Variants in LRP8 observed in about 807,000 individuals in gnomAD.
LRP8 encodes low-density lipoprotein receptor-related protein 8.
In LRP8, 46 loss-of-function variants were observed where a neutral mutation model predicts 111.6. That is an observed-to-expected ratio of 0.41 (90% confidence interval 0.33 to 0.53). The LOEUF is 0.53. Ranked by LOEUF, LRP8 falls within the 20% of genes least tolerant of loss-of-function variation. The pLI is 0.20. For missense variants in LRP8, 959 were observed against 1,297.4 expected, an observed-to-expected ratio of 0.74 and a Z score of 4.01; for synonymous variants, 464 against 511.2, an observed-to-expected ratio of 0.91 and a Z score of 1.24.
intron 2 of LRP8, chr1:53,292,028 C>T (rs1461430855): frequency 6.6e-6 from 1 of 152,202 alleles, no homozygotes; most frequent in Non-Finnish European, 1.5e-5. Flanking sequence ...TCCATACTTA[C>T]AGTTCTGGGG....
intron 6 of LRP8, chr1:53,272,707 GC>G: frequency 2.3e-6 from 3 of 1,280,254 alleles, no homozygotes; most frequent in Non-Finnish European, 3.1e-6. Flanking sequence ...GCCAGGCCCA[GC>G]CCTGGGAAGC....
chr1:53,317,730 A>G lies in LRP8; in HGVS notation c.244+9143T>C, dbSNP rs1453866486. ...CCGCACACCTCCGGAATATGGGCTC[A>G]TTTTCCCGCTTTCGGAAAGTCTCAT... On this transcript the variant is annotated intron_variant, in intron 2 of 18. Coordinates refer to ENST00000306052, the MANE Select transcript of LRP8 (RefSeq NM_004631.5). This position sits in a 1 kb window ranked among gnomAD's most constrained non-coding sequence, Gnocchi z 4.9. Among the ~76,000 whole-genome samples, 1 of 152,124 alleles carries G rather than the reference A, an allele frequency of 6.6e-6. No individual in the cohort carries two copies. The highest frequency in any genetic ancestry group is 2.4e-5 in the African/African-American group (1 of 41,422).
At position 53,293,352 on chromosome 1, in the gene LRP8, G is replaced by A. The variant is rs913723253; in HGVS notation, c.245-3663C>T. Among the ~76,000 whole-genome samples the A allele has an allele frequency of 9.9e-5, 15 of 152,152 alleles. No homozygotes were observed. The highest frequency in any genetic ancestry group is 3.6e-4 in the African/African-American group (15 of 41,422). ...GGCAACAGATTCGGTGGTGTTTTTGGGAACAGATTTGTTCACTGGCTGGAC... is the reference window on the plus strand; with the variant it reads ...GGCAACAGATTCGGTGGTGTTTTTGAGAACAGATTTGTTCACTGGCTGGAC... On this transcript the variant is annotated intron_variant, in intron 2 of 18. Transcript: ENST00000306052. This position sits in a 1 kb window ranked among gnomAD's most constrained non-coding sequence, Gnocchi z 4.9.
intron 2 of LRP8, among the ~76,000 whole-genome samples, chr1:53,290,296 C>A (rs571787435): frequency 6.6e-6 from 1 of 151,478 alleles, no homozygotes; most frequent in East Asian, 1.9e-4. Context: ...AATCCCACTT[C>A]CTCCTCCTCC....
In LRP8 at chr1:53,249,248, C is replaced by T; in HGVS notation, c.2853+132G>A. The T allele has an allele frequency of 1.1e-6, 1 of 946,774 alleles. No individual in the cohort carries two copies. Among genetic ancestry groups the T allele is most frequent in the Non-Finnish European group, 1.6e-6 (1 of 637,476 alleles). 58.6% of individuals were successfully genotyped at this position (946,774 alleles called of 1,614,324 possible). ...ATTGGTCTGTGACTAACCCATTTTT[C>T]TTCTTTGCCCCAACACCCAGCTTAC... On this transcript the variant is annotated intron_variant, in intron 18 of 18. Coordinates refer to ENST00000306052, the MANE Select transcript of LRP8 (RefSeq NM_004631.5). This position sits in a 1 kb window ranked among gnomAD's most constrained non-coding sequence, Gnocchi z 4.1.
chr1:53,248,812 A>G (rs1645805169), intron 18 of LRP8, among the ~76,000 whole-genome samples: 1 of 152,202 alleles, frequency 6.6e-6, no homozygotes, highest in Non-Finnish European at 1.5e-5. Context: ...AAATAATGTC[A>G]CTTTACATGT....
chr1:53,327,080 G>C (rs1655237733), intron 1 of LRP8, 88 bp from the exon 2 acceptor site: 4 of 1,548,580 alleles, frequency 2.6e-6, no homozygotes, highest in Non-Finnish European at 3.5e-6. Context: ...GGACCCGCTG[G>C]GGAGGAGGAA....
Position 53,266,728 on chromosome 1 carries a change from G to A in LRP8, c.1253-81C>T. 2.5e-5 allele frequency: 32 copies of A among 1,284,726 alleles called. No homozygotes were observed. The South Asian group carries it at 3.5e-4, about 14-fold the overall frequency. The allele number at this position is 1,284,726 out of a possible 1,614,324, so 79.6% of individuals were successfully genotyped here. A position where few individuals can be genotyped will look rare whatever the true frequency, so the allele number is the denominator to read the frequency against. The stretch of plus-strand genomic sequence containing the variant: ...GAGACCAAGACTCTGCCACTGGCTT[G>A]CTGGCTGACACATCCATTTTCCTTA... On this transcript the variant is annotated intron_variant, in intron 8 of 18. Transcript: ENST00000306052. The surrounding 1 kb of genome is among the most constrained non-coding windows in gnomAD (Gnocchi z 5.0).
chr1:53,326,937 G>T lies in LRP8; in HGVS notation c.180C>A (p.Ile60=), dbSNP rs1655208645. ...DQFQCRNERC[I]PSVWRCDEDD... is the part of the protein sequence containing the mutation. The stretch of plus-strand genomic sequence containing the variant: ...CCTCGTCGCATCTCCACACAGAGGG[G>T]ATGCAGCGCTCGTTCCGGCACTGGA... Residue 60 remains isoleucine, a synonymous_variant, in exon 2 of 19, where the codon ATC becomes ATA. Coordinates refer to ENST00000306052, the MANE Select transcript of LRP8 (RefSeq NM_004631.5). The T allele has an allele frequency of 1.9e-6, 3 of 1,613,828 alleles. No homozygotes were observed. The African/African-American group carries it at 4.0e-5, about 22-fold the overall frequency.
Position 53,250,644 on chromosome 1 carries a change from G to A in LRP8, c.2676+46C>T, listed in dbSNP as rs1187169554. On this transcript the variant is annotated intron_variant, in intron 17 of 18. Transcript: ENST00000306052. This position sits in a 1 kb window ranked among gnomAD's most constrained non-coding sequence, Gnocchi z 4.6. ...ATGGGAGGGGAAGAAAGGATGGAAG[G>A]GAAGATGGTCGGAAGGTAGGAATTC... The A allele has an allele frequency of 1.9e-6, 3 of 1,547,472 alleles. No homozygotes were observed. In the East Asian group the frequency reaches 6.8e-5, roughly 35 times the overall value.
At chr1:53,311,704 C>T (rs1327339556) in intron 2 of LRP8, among the ~76,000 whole-genome samples, 3 of 152,076 alleles carry the variant, frequency 2.0e-5, no homozygotes, top group South Asian at 2.1e-4. Context: ...ATGAAGACAT[C>T]GACAGAGTGG....
intron 15 of LRP8, among the ~76,000 whole-genome samples, chr1:53,256,873 G>A (rs1057042759): frequency 3.3e-5 from 5 of 152,168 alleles, no homozygotes; most frequent in Admixed American, 2.0e-4. Context: ...GTGAAACATA[G>A]ACACACACAC....
chr1:53,313,913 A>C (rs1412463117), intron 2 of LRP8, among the ~76,000 whole-genome samples: 2 of 152,176 alleles, frequency 1.3e-5, no homozygotes, highest in East Asian at 3.8e-4. Context: ...TGGAGGACAG[A>C]ACAGAAACTA....
chr1:53,271,329 G>A lies in LRP8; in HGVS notation c.1024C>T (p.His342Tyr). 1.2e-6 allele frequency: 2 copies of A among 1,614,052 alleles called. No individual in the cohort carries two copies. The highest frequency in any genetic ancestry group is 1.7e-6 in the Non-Finnish European group (2 of 1,180,002). Residue 342 changes from histidine to tyrosine, a missense_variant, in exon 7 of 19, where the codon CAC (histidine) becomes TAC (tyrosine). Coordinates refer to ENST00000306052, the MANE Select transcript of LRP8 (RefSeq NM_004631.5). ...ATGTGTGAGCAGCCGCCATTGTTGT[G>A]CAGACACTCGTTCAGCCCTGGGGAG... ...GCLQGLNECLHNNGGCSHICT... is the reference protein window; with the variant it reads ...GCLQGLNECLYNNGGCSHICT...
Position 53,276,967 on chromosome 1 carries a change from T to A in LRP8, c.608A>T (p.Asp203Val). Residue 203 changes from aspartate (D) to valine (V), a missense_variant, in exon 5 of 19, where the codon GAC (aspartate) becomes GTC (valine). By Grantham distance (152) the Asp-to-Val change is radical. This residue lies in a region of LRP8 where 819 missense variants were observed against 1,097.6 expected (regional missense o/e 0.75). Coordinates refer to ENST00000306052, the MANE Select transcript of LRP8 (RefSeq NM_004631.5). Reference sequence around the variant, plus strand: ...GAACTCGCGGGGCCCGCAGGCCGGGTCTGCACAGCCGCGCTCATCGCTGCC... The same window carrying A: ...GAACTCGCGGGGCCCGCAGGCCGGGACTGCACAGCCGCGCTCATCGCTGCC... ...GDGSDERGCA[D>V]PACGPREFRC... The A allele has an allele frequency of 6.7e-7, 1 of 1,496,258 alleles. No individual in the cohort carries two copies. Among genetic ancestry groups the A allele is most frequent in the Non-Finnish European group, 8.9e-7 (1 of 1,126,386 alleles). 92.7% of individuals were successfully genotyped at this position (1,496,258 alleles called of 1,614,324 possible).
At chr1:53,276,650 C>G in intron 5 of LRP8, 42 bp downstream of exon 5, 1 of 1,442,596 alleles carries the variant, frequency 6.9e-7, no homozygotes. Context: ...ATAGCGGATC[C>G]GCAATCCCTG....
At chr1:53,314,566 G>A (rs1366441855) in intron 2 of LRP8, among the ~76,000 whole-genome samples, 2 of 152,212 alleles carry the variant, frequency 1.3e-5, no homozygotes, top group Admixed American at 6.5e-5. Context: ...TAACAGAGCT[G>A]GGATCAGAGA....
rs1311373832 is a variant in LRP8 at position 53,277,077 on chromosome 1, C to T, written c.498G>A (p.Leu166=). Residue 166 remains leucine (L), a splice_region_variant and synonymous_variant, in exon 5 of 19, where the codon TTG becomes TTA. Coordinates refer to ENST00000306052, the MANE Select transcript of LRP8 (RefSeq NM_004631.5). ...CGCACTGGAACTCGTGCGGGGCGCA[C>T]ACTGCGCGGGACAGAGAGCCGGTCG... ...GGADEAGCAT[L]CAPHEFQCGN... The T allele has an allele frequency of 1.3e-6, 2 of 1,517,922 alleles. No individual in the cohort carries two copies. The highest frequency in any genetic ancestry group is 1.8e-6 in the Non-Finnish European group (2 of 1,138,406). The allele number at this position is 1,517,922 out of a possible 1,614,324, so 94.0% of individuals were successfully genotyped here.
At chr1:53,273,567 G>A (rs1043341208) in intron 6 of LRP8, among the ~76,000 whole-genome samples, 7 of 152,206 alleles carry the variant, frequency 4.6e-5, no homozygotes, top group Admixed American at 3.9e-4. Context: ...GGGATTAGTA[G>A]GACAGTAGTC....
Sources: gnomAD v4.1 joint callset for allele counts (sites outside exome capture counted in the v4.1 genomes callset) on GRCh38, gnomAD v4.1.1 for gene constraint, gnomAD v4.1.1 regional missense constraint, Gnocchi (gnomAD v3.1) non-coding constraint, MANE v1.5 for transcripts, NCBI Gene and HGNC (gene_info 2026-07-23, HGNC 2026-07-21) for gene names.